Variants in CAMTA1 observed in about 807,000 individuals in gnomAD.
CAMTA1 encodes calmodulin binding transcription activator 1, also known as calmodulin-binding transcription activator 1.
CAMTA1 carries 27 observed loss-of-function variants against 170.9 expected under a neutral mutation model. The ratio of observed to expected loss-of-function variants is 0.16; its 90% CI spans 0.12 to 0.22. CAMTA1 has a LOEUF of 0.22. CAMTA1 is among the 10% of genes least tolerant of loss of function. CAMTA1 has a pLI of 1.00. For missense variants in CAMTA1, 1,619 were observed against 2,217.2 expected (o/e 0.73, Z 5.42); for synonymous variants, 833 against 891.5 (o/e 0.93, Z 1.17).
At chr1:6,798,857 A>G (rs974239529) in intron 1 of CAMTA1, among the ~76,000 whole-genome samples, 13 of 151,800 alleles carry the variant, frequency 8.6e-5, no homozygotes, top group Admixed American at 7.9e-4. Context: ...CTGCCTCCCA[A>G]AGTGCTCGGA....
intron 11 of CAMTA1, among the ~76,000 whole-genome samples, chr1:7,718,054 C>T (rs544573043): frequency 3.9e-5 from 6 of 152,248 alleles, no homozygotes; most frequent in Admixed American, 3.3e-4. Flanking sequence ...TTTCTCTTTA[C>T]GTTCATGTAT....
At chr1:6,855,900 G>A (rs965225508) in intron 3 of CAMTA1, among the ~76,000 whole-genome samples, 1 of 152,172 alleles carries the variant, frequency 6.6e-6, no homozygotes, top group African/African-American at 2.4e-5. Flanking sequence ...CATCCAGAGA[G>A]GGCATGGCTG....
intron 19 of CAMTA1, chr1:7,749,914 C>A: frequency 2.5e-6 from 1 of 396,510 alleles, no homozygotes; most frequent in Non-Finnish European, 5.1e-6. Context: ...ATCCCCCTTG[C>A]CAGGCCACCT....
chr1:6,831,072 C>T (rs369667466), intron 3 of CAMTA1, among the ~76,000 whole-genome samples: 2 of 152,106 alleles, frequency 1.3e-5, no homozygotes, highest in African/African-American at 4.8e-5. Flanking sequence ...CCCGCCTCAG[C>T]CTCCCAAAGT....
chr1:6,895,175 T>TG (rs1466847033), intron 3 of CAMTA1, among the ~76,000 whole-genome samples: 1 of 152,196 alleles, frequency 6.6e-6, no homozygotes, highest in African/African-American at 2.4e-5. Context: ...AGGTGTCAGG[T>TG]GAGGGTTGAA....
intron 5 of CAMTA1, among the ~76,000 whole-genome samples, chr1:7,409,072 G>A (rs772326455): frequency 5.3e-5 from 8 of 152,186 alleles, no homozygotes; most frequent in South Asian, 2.1e-4. Context: ...CTCCAAGGTC[G>A]TGACCACGGC....
chr1:7,739,539 A>C (rs2150026851), intron 16 of CAMTA1, among the ~76,000 whole-genome samples: 1 of 152,310 alleles, frequency 6.6e-6, no homozygotes, highest in East Asian at 1.9e-4. Context: ...TTTATAAAGA[A>C]AAAGAGGTTT....
At chr1:6,900,484 A>C (rs1676691138) in intron 3 of CAMTA1, among the ~76,000 whole-genome samples, 1 of 152,210 alleles carries the variant, frequency 6.6e-6, no homozygotes, top group South Asian at 2.1e-4. Flanking sequence ...TAGACAGTCA[A>C]ATTAATCTAA....
chr1:7,260,094 G>A (rs779871419), intron 5 of CAMTA1, among the ~76,000 whole-genome samples: 1 of 152,236 alleles, frequency 6.6e-6, no homozygotes, highest in African/African-American at 2.4e-5. Context: ...ATTGTAGCAT[G>A]AAAGCAGCCA....
intron 3 of CAMTA1, among the ~76,000 whole-genome samples, chr1:6,954,574 G>C (rs1044482149): frequency 6.6e-6 from 1 of 152,188 alleles, no homozygotes; most frequent in Admixed American, 6.5e-5. Context: ...CTTGCACCTG[G>C]TACATAGTAG....
chr1:6,813,281 T>G (rs1645396039), intron 1 of CAMTA1, among the ~76,000 whole-genome samples: 1 of 152,186 alleles, frequency 6.6e-6, no homozygotes, highest in Non-Finnish European at 1.5e-5. Flanking sequence ...ATCGTTAACC[T>G]GATTTTAGGG....
chr1:7,661,882 C>A lies in CAMTA1; in HGVS notation c.805+16C>A. The stretch of plus-strand genomic sequence containing the variant: ...GGCAGCCTGGGTGAGCCGGGGCTCC[C>A]GGGGCAGGCGGGCGCCACGGGGACA... On this transcript the variant is annotated intron_variant, in intron 8 of 22. Coordinates refer to ENST00000303635, the MANE Select transcript of CAMTA1 (RefSeq NM_015215.4). 1 of 1,590,376 alleles carries A rather than the reference C, an allele frequency of 6.3e-7. No homozygotes were observed.
intron 5 of CAMTA1, among the ~76,000 whole-genome samples, chr1:7,259,279 C>T (rs1425617074): frequency 6.6e-6 from 1 of 152,198 alleles, no homozygotes; most frequent in Non-Finnish European, 1.5e-5. Context: ...TAACCTTCCA[C>T]GTCCTCCTTG....
intron 4 of CAMTA1, among the ~76,000 whole-genome samples, chr1:7,151,493 G>A (rs1646576729): frequency 6.6e-6 from 1 of 152,200 alleles, no homozygotes. Context: ...ACTGCCTGGA[G>A]CCAGGTCTCT....
intron 11 of CAMTA1, among the ~76,000 whole-genome samples, chr1:7,727,544 A>G (rs918446182): frequency 2.0e-5 from 3 of 152,204 alleles, no homozygotes; most frequent in African/African-American, 7.2e-5. Context: ...CCTGGTGCAT[A>G]CATAGTAGGT....
At chr1:6,848,507 C>G (rs1309860436) in intron 3 of CAMTA1, among the ~76,000 whole-genome samples, 2 of 152,116 alleles carry the variant, frequency 1.3e-5, no homozygotes. Flanking sequence ...ATGCAGTTAC[C>G]CTGTGGACCA....
chr1:7,040,982 A>C (rs1370089723), intron 3 of CAMTA1, among the ~76,000 whole-genome samples: 2 of 152,166 alleles, frequency 1.3e-5, no homozygotes, highest in Non-Finnish European at 2.9e-5. Flanking sequence ...TCAGCCTCCC[A>C]AAGTGCTGGG....
chr1:6,877,721 G>A (rs1024925372), intron 3 of CAMTA1, among the ~76,000 whole-genome samples: 4 of 152,162 alleles, frequency 2.6e-5, no homozygotes, highest in Non-Finnish European at 4.4e-5. Flanking sequence ...AATTATTCAG[G>A]TTTGGATATC....
intron 3 of CAMTA1, among the ~76,000 whole-genome samples, chr1:6,955,912 C>G (rs562711943): frequency 6.6e-6 from 1 of 152,176 alleles, no homozygotes; most frequent in Non-Finnish European, 1.5e-5. Context: ...AATCAATAAC[C>G]CTTCAGGCAG....
Sources: allele counts gnomAD v4.1 joint callset (sites outside exome capture counted in the v4.1 genomes callset), GRCh38; gene constraint gnomAD v4.1.1; transcripts MANE v1.5; gene names NCBI Gene and HGNC (gene_info 2026-07-23, HGNC 2026-07-21).